Variants in ASCC3 observed in about 807,000 individuals in gnomAD.
ASCC3 encodes the protein activating signal cointegrator 1 complex subunit 3.
ASCC3 carries 158 observed loss-of-function variants against 256.3 expected under a neutral mutation model. That is an observed-to-expected ratio of 0.62 (90% CI 0.54 to 0.70). The LOEUF is 0.70. Ranked by LOEUF, ASCC3 falls within the 30% of genes least tolerant of loss-of-function variation. The probability of loss-of-function intolerance (pLI) is 0.00; values close to 1 mark genes in which losing one functional copy is unlikely to be tolerated. For synonymous variants in ASCC3, 948 were observed against 883.4 expected (o/e 1.07, Z -1.30); for missense variants, 2,259 against 2,626.0 (o/e 0.86, Z 3.05).
At chr6:100,694,805 G>A (rs1778006645) in intron 13 of ASCC3, among the ~76,000 whole-genome samples, 1 of 152,082 alleles carries the variant, frequency 6.6e-6, no homozygotes, top group South Asian at 2.1e-4. Context: ...TAGGGGAAAG[G>A]AAGCTATTCC....
At chr6:100,803,403 T>C (rs1396509011) in intron 5 of ASCC3, among the ~76,000 whole-genome samples, 1 of 152,142 alleles carries the variant, frequency 6.6e-6, no homozygotes, top group Non-Finnish European at 1.5e-5. Flanking sequence ...AAGTTCCTCC[T>C]GCACATATTT....
At chr6:100,580,981 T>C (rs1771209292) in intron 36 of ASCC3, among the ~76,000 whole-genome samples, 1 of 152,132 alleles carries the variant, frequency 6.6e-6, no homozygotes, top group Non-Finnish European at 1.5e-5. Flanking sequence ...CAGTCTATCA[T>C]TGTTGGACAT....
intron 10 of ASCC3, among the ~76,000 whole-genome samples, chr6:100,752,602 G>T (rs780233649): frequency 1.3e-5 from 2 of 152,082 alleles, no homozygotes; most frequent in Non-Finnish European, 2.9e-5. Flanking sequence ...TGCTAGGAAA[G>T]TTATTTTGGT....
chr6:100,690,038 T>A (rs929138050), intron 13 of ASCC3, among the ~76,000 whole-genome samples: 1 of 152,122 alleles, frequency 6.6e-6, no homozygotes, highest in African/African-American at 2.4e-5. Context: ...ATTAATCAAA[T>A]GTATTAACCA....
intron 3 of ASCC3, among the ~76,000 whole-genome samples, chr6:100,860,913 T>C (rs959234600): frequency 4.6e-5 from 7 of 152,112 alleles, no homozygotes; most frequent in African/African-American, 1.7e-4. Flanking sequence ...GTTTTATGTA[T>C]CATTCTAAAG....
intron 36 of ASCC3, among the ~76,000 whole-genome samples, chr6:100,585,257 T>G (rs138578775): frequency 0.016 from 2,440 of 152,334 alleles, 64 homozygotes; most frequent in African/African-American, 0.056. Context: ...AGTCCCATAT[T>G]TCTTGGAGGC....
chr6:100,572,638 G>T (rs1770653048), intron 36 of ASCC3, among the ~76,000 whole-genome samples: 1 of 152,048 alleles, frequency 6.6e-6, no homozygotes, highest in Admixed American at 6.6e-5. Context: ...ATTCAATAAA[G>T]CAAGGAGATA....
At chr6:100,531,259 C>G (rs553678297) in intron 37 of ASCC3, among the ~76,000 whole-genome samples, 1 of 152,244 alleles carries the variant, frequency 6.6e-6, no homozygotes, top group African/African-American at 2.4e-5. Flanking sequence ...CTGGGCTGCT[C>G]TAAACATTTA....
intron 39 of ASCC3, among the ~76,000 whole-genome samples, chr6:100,515,162 TG>T (rs968384270): frequency 2.0e-5 from 3 of 152,206 alleles, no homozygotes; most frequent in Non-Finnish European, 4.4e-5. Flanking sequence ...AATCAATGTA[TG>T]TTATGTTGGA....
chr6:100,778,350 T>C (rs369501471), intron 8 of ASCC3, among the ~76,000 whole-genome samples: 1 of 152,166 alleles, frequency 6.6e-6, no homozygotes, highest in South Asian at 2.1e-4. Context: ...AATTATATAG[T>C]AGCAGCAGAC....
chr6:100,854,910 T>C (rs1379694211), intron 3 of ASCC3, among the ~76,000 whole-genome samples: 1 of 152,136 alleles, frequency 6.6e-6, no homozygotes, highest in Non-Finnish European at 1.5e-5. Flanking sequence ...AAAAAGATTA[T>C]TTTCACTTCA....
At chr6:100,846,445 A>T (rs1299230102) in intron 4 of ASCC3, among the ~76,000 whole-genome samples, 4 of 152,224 alleles carry the variant, frequency 2.6e-5, no homozygotes, top group Non-Finnish European at 4.4e-5. Flanking sequence ...CACTGACAGG[A>T]TGTGAAATAT....
intron 13 of ASCC3, among the ~76,000 whole-genome samples, chr6:100,710,246 A>G (rs751340323): frequency 6.6e-6 from 1 of 152,178 alleles, no homozygotes; most frequent in Admixed American, 6.5e-5. Flanking sequence ...GAGCTCATGG[A>G]TGGAAAAATA....
chr6:100,602,424 G>C (rs1186385440), intron 33 of ASCC3, among the ~76,000 whole-genome samples: 3 of 151,760 alleles, frequency 2.0e-5, no homozygotes. Context: ...ATCATTTTTG[G>C]AAAATAAATT....
intron 14 of ASCC3, among the ~76,000 whole-genome samples, chr6:100,678,164 A>G (rs879327114): frequency 1.3e-5 from 2 of 152,136 alleles, no homozygotes; most frequent in Non-Finnish European, 2.9e-5. Flanking sequence ...CAATTAAATA[A>G]TAAACCGGCA....
intron 34 of ASCC3, among the ~76,000 whole-genome samples, chr6:100,590,964 AG>A (rs2114774415): frequency 6.6e-6 from 1 of 152,254 alleles, no homozygotes; most frequent in East Asian, 1.9e-4. Context: ...CAAATATGAG[AG>A]GCCCCATTAC....
chr6:100,818,385 G>A (rs1278347963), intron 4 of ASCC3, among the ~76,000 whole-genome samples: 1 of 151,756 alleles, frequency 6.6e-6, no homozygotes, highest in Non-Finnish European at 1.5e-5. Context: ...TGGCCAAGAT[G>A]GTGAAACCCC....
rs370645739 is a variant in ASCC3, at chr6:100,750,272, A to T, written c.1737+16293T>A. ...GACATTTAATAAAATAACCTTAAAA[A>T]TTTCAAAGGTATATGATGAGAACAA... On this transcript the variant is annotated intron_variant, in intron 10 of 41. Transcript: ENST00000369162. Among the ~76,000 whole-genome samples, 8 of 152,056 alleles carry T rather than the reference A, an allele frequency of 5.3e-5. No individual in the cohort carries two copies. The East Asian group carries it at 1.3e-3, about 26-fold the overall frequency.
chr6:100,816,845 A>ACCT (rs1384197789), intron 4 of ASCC3, among the ~76,000 whole-genome samples: 3 of 152,008 alleles, frequency 2.0e-5, no homozygotes, highest in Non-Finnish European at 4.4e-5. Context: ...CGTACAACAA[A>ACCT]CCCACATGAC....
Sources: allele counts gnomAD v4.1 joint callset (sites outside exome capture counted in the v4.1 genomes callset), GRCh38; gene constraint gnomAD v4.1.1; transcripts MANE v1.5; gene names NCBI Gene and HGNC (gene_info 2026-07-23, HGNC 2026-07-21).